The following CNBD1 variants were observed in gnomAD, a reference collection of about 807,000 sequenced individuals.
CNBD1 encodes the protein cyclic nucleotide-binding domain-containing protein 1.
Under a neutral mutation model 54.4 loss-of-function variants are expected in CNBD1, and 71 were observed. That is an observed-to-expected ratio of 1.30 (90% CI 1.08 to 1.59). CNBD1 has a LOEUF of 1.59. Among genes scored for constraint, CNBD1 ranks in the 40% most tolerant of loss-of-function variants. The pLI is 0.00. For missense variants in CNBD1, 659 were observed against 518.0 expected (o/e 1.27, Z -2.64); for synonymous variants, 182 against 170.7 (o/e 1.07, Z -0.51).
chr8:87,045,079 G>T (rs1810152889), intron 4 of CNBD1, among the ~76,000 whole-genome samples: 1 of 152,148 alleles, frequency 6.6e-6, no homozygotes, highest in Non-Finnish European at 1.5e-5. Context: ...GATGGAGAGG[G>T]GTGTTGTGTC....
At chr8:87,051,946 G>A (rs1040870913) in intron 4 of CNBD1, among the ~76,000 whole-genome samples, 4 of 152,206 alleles carry the variant, frequency 2.6e-5, no homozygotes, top group African/African-American at 9.7e-5. Flanking sequence ...ACTGGCCTTG[G>A]ACTTGGTGAT....
intron 8 of CNBD1, among the ~76,000 whole-genome samples, chr8:87,310,462 A>C (rs950517603): frequency 1.3e-5 from 2 of 152,138 alleles, no homozygotes; most frequent in African/African-American, 2.4e-5. Context: ...ACTACAAAAC[A>C]CTACTTTAGA....
At position 87,394,926 on chromosome 8, in the gene CNBD1, A is replaced by G. The variant is rs1811382217; in HGVS notation, c.214-33620A>G. On this transcript the variant is annotated intron_variant, in intron 2 of 7. Coordinates refer to the CNBD1 transcript ENST00000521593. ...AAGCAAAGCAAGATGAGACATTATT[A>G]CCATTAAGTAAATTCACTAACCCAC... Among the ~76,000 whole-genome samples, 3 of 151,912 alleles carry G rather than the reference A, an allele frequency of 2.0e-5. No individual in the cohort carries two copies. In the South Asian group the frequency reaches 6.2e-4, roughly 31 times the overall value.
chr8:87,106,263 G>T (rs1445858206), intron 4 of CNBD1, among the ~76,000 whole-genome samples: 1 of 150,864 alleles, frequency 6.6e-6, no homozygotes, highest in African/African-American at 2.4e-5. Flanking sequence ...GCCCAGGCAG[G>T]AGCACATTGG....
chr8:87,094,704 C>A (rs1811283089), intron 4 of CNBD1, among the ~76,000 whole-genome samples: 1 of 152,128 alleles, frequency 6.6e-6, no homozygotes, highest in South Asian at 2.1e-4. Context: ...GTCAAATTAT[C>A]AGGCGCCTTT....
chr8:87,069,553 C>G (rs1810720020), intron 4 of CNBD1, among the ~76,000 whole-genome samples: 2 of 152,082 alleles, frequency 1.3e-5, no homozygotes, highest in Admixed American at 1.3e-4. Flanking sequence ...GATATACCAT[C>G]TAGGTTTGCG....
At chr8:86,920,855 T>C (rs1809259696) in intron 3 of CNBD1, among the ~76,000 whole-genome samples, 2 of 151,438 alleles carry the variant, frequency 1.3e-5, no homozygotes, top group Middle Eastern at 3.4e-3. Flanking sequence ...TGGGTTAAAA[T>C]GATGAAGGGC....
At chr8:87,252,982 T>C (rs1807940392) in intron 6 of CNBD1, among the ~76,000 whole-genome samples, 1 of 151,892 alleles carries the variant, frequency 6.6e-6, no homozygotes, top group Admixed American at 6.6e-5. Flanking sequence ...GATTTAGAAA[T>C]GAGTAAATGC....
chr8:87,207,450 A>G (rs1487319437), intron 5 of CNBD1, among the ~76,000 whole-genome samples: 3 of 151,550 alleles, frequency 2.0e-5, no homozygotes, highest in Non-Finnish European at 2.9e-5. Flanking sequence ...ATTTATGCAC[A>G]TAGACACACA....
intron 6 of CNBD1, among the ~76,000 whole-genome samples, chr8:87,245,488 T>G (rs1157648131): frequency 6.6e-6 from 1 of 150,988 alleles, no homozygotes; most frequent in Non-Finnish European, 1.5e-5. Context: ...ATTTTTTTAA[T>G]ATAACTGTTT....
chr8:86,951,516 G>C (rs1807621060), intron 4 of CNBD1, among the ~76,000 whole-genome samples: 1 of 126,328 alleles, frequency 7.9e-6, no homozygotes, highest in African/African-American at 2.9e-5. Context: ...GGAGGCAGAG[G>C]TTTCAGTGAG....
chr8:87,412,121 A>G (rs1285933476), intron 2 of CNBD1, among the ~76,000 whole-genome samples: 8 of 151,976 alleles, frequency 5.3e-5, no homozygotes. Flanking sequence ...AAGGAACCTG[A>G]GTTTTTTTCA....
At chr8:87,138,805 G>A (rs574289660) in intron 4 of CNBD1, among the ~76,000 whole-genome samples, 17 of 152,228 alleles carry the variant, frequency 1.1e-4, no homozygotes, top group East Asian at 3.9e-4. Flanking sequence ...GATTTCCATC[G>A]TCCAGGATTG....
intron 6 of CNBD1, among the ~76,000 whole-genome samples, chr8:87,259,800 G>C (rs1446996281): frequency 6.6e-6 from 1 of 152,154 alleles, no homozygotes; most frequent in African/African-American, 2.4e-5. Context: ...TCCAGACTGT[G>C]AGAGTTTGAA....
At chr8:87,414,257 C>A (rs967736934) in intron 2 of CNBD1, among the ~76,000 whole-genome samples, 3 of 151,836 alleles carry the variant, frequency 2.0e-5, no homozygotes, top group Admixed American at 6.6e-5. Flanking sequence ...TCATTCTCAG[C>A]AAACTATCGC....
chr8:87,092,513 GTGTATGTGTGTGTA>G (rs1811234966), intron 4 of CNBD1, among the ~76,000 whole-genome samples: 2 of 141,800 alleles, frequency 1.4e-5, no homozygotes, highest in South Asian at 4.4e-4. Flanking sequence ...ATGTGTGTGT[GTGTATGTGTGTGTA>G]TGTATGTATG....
intron 8 of CNBD1, among the ~76,000 whole-genome samples, chr8:87,342,103 T>C (rs111431033): frequency 0.019 from 2,833 of 152,028 alleles, 89 homozygotes; most frequent in African/African-American, 0.062. Flanking sequence ...GAAACCCTGT[T>C]TCTACTAAAA....
At chr8:87,158,717 G>A (rs1273296965) in intron 4 of CNBD1, among the ~76,000 whole-genome samples, 1 of 152,082 alleles carries the variant, frequency 6.6e-6, no homozygotes, top group Non-Finnish European at 1.5e-5. Flanking sequence ...CTGGTACTGT[G>A]TTTATGGACT....
intron 8 of CNBD1, among the ~76,000 whole-genome samples, chr8:87,333,031 G>C (rs1368563277): frequency 1.3e-5 from 2 of 151,970 alleles, no homozygotes; most frequent in Non-Finnish European, 2.9e-5. Context: ...ATTTGTTTGT[G>C]ATCTCTCTTA....
Sources: allele counts gnomAD v4.1 joint callset (sites outside exome capture counted in the v4.1 genomes callset), GRCh38; gene constraint gnomAD v4.1.1; transcripts MANE v1.5; gene names NCBI Gene and HGNC (gene_info 2026-07-23, HGNC 2026-07-21).